The following CSNK1G1 variants were observed in gnomAD, a reference collection of about 807,000 sequenced individuals.
CSNK1G1 encodes casein kinase I isoform gamma-1.
A neutral mutation model predicts 59.6 loss-of-function variants in CSNK1G1; 22 were observed. That is an observed-to-expected ratio of 0.37 (90% CI 0.26 to 0.53). The LOEUF is 0.53. CSNK1G1 is among the 20% of genes least tolerant of loss of function. The pLI is 0.89. For synonymous variants in CSNK1G1, 179 were observed against 177.1 expected, an observed-to-expected ratio of 1.01 and a Z score of -0.08; for missense variants, 384 against 519.5, an observed-to-expected ratio of 0.74 and a Z score of 2.54.
At chr15:64,296,323 G>A (rs938747817) in intron 2 of CSNK1G1, among the ~76,000 whole-genome samples, 4 of 152,046 alleles carry the variant, frequency 2.6e-5, no homozygotes, top group South Asian at 2.1e-4. Context: ...GTTTTGCCAC[G>A]TTGCTCATGT....
rs1237607660 is a variant in CSNK1G1, at chr15:64,188,551, A to G, written c.1108-8097T>C. ...GAAAGGTGAAGCAACAGCAAGCAATAACAAAATCAAGTACATTCGTGTCCC... is the reference window on the plus strand; with the variant it reads ...GAAAGGTGAAGCAACAGCAAGCAATGACAAAATCAAGTACATTCGTGTCCC... On this transcript the variant is annotated intron_variant, in intron 10 of 11. Transcript: ENST00000303052. The surrounding 1 kb of genome is among the most constrained non-coding windows in gnomAD (Gnocchi z 4.2). The G allele has an allele frequency of 7.4e-6, 9 of 1,208,064 alleles. No individual in the cohort carries two copies. The highest frequency in any genetic ancestry group is 2.1e-5 in the Admixed American group (1 of 47,450). The allele number at this position is 1,208,064 out of a possible 1,614,324, so 74.8% of individuals were successfully genotyped here. A position where few individuals can be genotyped will look rare whatever the true frequency, so the allele number is the denominator to read the frequency against.
intron 11 of CSNK1G1, 112 bp downstream of exon 11, chr15:64,180,236 T>G (rs2081793910): frequency 2.6e-6 from 2 of 763,232 alleles, no homozygotes; most frequent in Non-Finnish European, 4.5e-6. Flanking sequence ...GGAAGAAAGC[T>G]GTGGTTACAA....
intron 1 of CSNK1G1, among the ~76,000 whole-genome samples, chr15:64,311,457 A>C (rs1895990605): frequency 6.6e-6 from 1 of 152,208 alleles, no homozygotes; most frequent in Admixed American, 6.5e-5. Context: ...AATACAAACC[A>C]CTACATTTAT....
chr15:64,255,940 G>A (rs1374989380), intron 3 of CSNK1G1, among the ~76,000 whole-genome samples: 1 of 152,042 alleles, frequency 6.6e-6, no homozygotes, highest in East Asian at 1.9e-4. Context: ...CATTAGAGTT[G>A]GACTTCAAGT....
intron 4 of CSNK1G1, among the ~76,000 whole-genome samples, chr15:64,222,438 A>C (rs1384374866): frequency 1.2e-4 from 14 of 112,426 alleles, no homozygotes; most frequent in Middle Eastern, 4.4e-3. Context: ...CAACACCACC[A>C]AAAAAAAAAA....
intron 10 of CSNK1G1, among the ~76,000 whole-genome samples, chr15:64,185,862 G>GAAA (rs375409365): frequency 8.5e-5 from 7 of 82,818 alleles, no homozygotes; most frequent in African/African-American, 2.3e-4. Flanking sequence ...ACTCCATCTC[G>GAAA]AAAAAAAAAA....
chr15:64,307,879 G>A (rs756376798), intron 1 of CSNK1G1, among the ~76,000 whole-genome samples: 5 of 151,984 alleles, frequency 3.3e-5, no homozygotes, highest in African/African-American at 1.2e-4. Flanking sequence ...GTAGAGACGG[G>A]GTTTCACCAT....
chr15:64,247,376 G>A (rs531869919), intron 4 of CSNK1G1, among the ~76,000 whole-genome samples: 1 of 152,248 alleles, frequency 6.6e-6, no homozygotes, highest in African/African-American at 2.4e-5. Flanking sequence ...ATGAAAAAAT[G>A]ATAGCTAACA....
intron 1 of CSNK1G1, among the ~76,000 whole-genome samples, chr15:64,311,202 T>C (rs1394628588): frequency 6.6e-6 from 1 of 151,758 alleles, no homozygotes; most frequent in African/African-American, 2.4e-5. Context: ...TGCACCACCA[T>C]GCCCAGCTAA....
intron 2 of CSNK1G1, among the ~76,000 whole-genome samples, chr15:64,287,470 G>C (rs1020475922): frequency 6.6e-6 from 1 of 152,026 alleles, no homozygotes; most frequent in South Asian, 2.1e-4. Context: ...GTGAACCATG[G>C]TTAGGACTTT....
intron 1 of CSNK1G1, among the ~76,000 whole-genome samples, chr15:64,346,064 A>G (rs558502631): frequency 1.5e-5 from 1 of 68,716 alleles, no homozygotes; most frequent in African/African-American, 4.2e-5. Context: ...GCTGAGTGTG[A>G]GCCACTGCAC....
intron 2 of CSNK1G1, among the ~76,000 whole-genome samples, chr15:64,289,309 T>A (rs1291300242): frequency 1.3e-5 from 2 of 152,174 alleles, no homozygotes; most frequent in African/African-American, 2.4e-5. Context: ...ACTTCTAAAA[T>A]TACCATATTA....
chr15:64,219,852 C>A (rs1237946717), intron 4 of CSNK1G1, among the ~76,000 whole-genome samples: 1 of 149,376 alleles, frequency 6.7e-6, no homozygotes, highest in Non-Finnish European at 1.5e-5. Context: ...CAGCTCAATG[C>A]AACCTCCACC....
At chr15:64,324,265 G>A (rs1896722975) in intron 1 of CSNK1G1, among the ~76,000 whole-genome samples, 1 of 152,202 alleles carries the variant, frequency 6.6e-6, no homozygotes, top group South Asian at 2.1e-4. Context: ...AGGATGCAAA[G>A]TAATGTTCCT....
rs1024099993 is a variant in CSNK1G1 at position 64,214,703 on chromosome 15, C to T, written c.445-579G>A. 1.3e-5 allele frequency among the ~76,000 whole-genome samples: 2 copies of T among 152,024 alleles called. No individual in the cohort carries two copies. The highest frequency in any genetic ancestry group is 2.4e-5 in the African/African-American group (1 of 41,384). On this transcript the variant is annotated intron_variant, in intron 5 of 11. Transcript: ENST00000303052. The surrounding 1 kb of genome is among the most constrained non-coding windows in gnomAD (Gnocchi z 4.3). ...TTTGAGACGGAGTCTTGCTCTGTCACCCAGGGTGGAGTGCAGCCTCAGCCT... is the reference window on the plus strand; with the variant it reads ...TTTGAGACGGAGTCTTGCTCTGTCATCCAGGGTGGAGTGCAGCCTCAGCCT...
chr15:64,225,329 G>T (rs1457532735), intron 4 of CSNK1G1, among the ~76,000 whole-genome samples: 1 of 152,016 alleles, frequency 6.6e-6, no homozygotes, highest in African/African-American at 2.4e-5. Flanking sequence ...CTTGGAATTG[G>T]ACTAAGAGGA....
rs371636978 is a variant in CSNK1G1, at chr15:64,351,290, G to C, written c.-225+4698C>G. Among the ~76,000 whole-genome samples the C allele has an allele frequency of 4.6e-5, 7 of 152,228 alleles. No individual in the cohort carries two copies. The East Asian group carries it at 1.2e-3, about 25-fold the overall frequency. ...TGATTGTATAGCGCCAATAAATTCAGCTGTATTTTGTTCATTATCTAATTC... is the reference window on the plus strand; with the variant it reads ...TGATTGTATAGCGCCAATAAATTCACCTGTATTTTGTTCATTATCTAATTC... On this transcript the variant is annotated intron_variant, in intron 1 of 11. Transcript: ENST00000303052.
intron 2 of CSNK1G1, among the ~76,000 whole-genome samples, chr15:64,262,980 G>GA (rs1294317758): frequency 6.7e-6 from 1 of 148,478 alleles, no homozygotes; most frequent in Non-Finnish European, 1.5e-5. Context: ...TTGGGAGGCT[G>GA]AGACAGGAGA....
At position 64,285,862 on chromosome 15, in the gene CSNK1G1, A is replaced by G. The variant is rs556361606; in HGVS notation, c.181+14457T>C. On this transcript the variant is annotated intron_variant, in intron 2 of 11. Transcript: ENST00000303052. ...TTAATTTATCTTCTCCAAGAAGGGG[A>G]AAAAAAAAAAACGATGACTTGTAAT... is the stretch of plus-strand genomic sequence containing the variant. Among the ~76,000 whole-genome samples, 69 of 142,858 alleles carry G rather than the reference A, an allele frequency of 4.8e-4. No individual in the cohort carries two copies. In the East Asian group the frequency reaches 6.7e-3, roughly 14 times the overall value. 93.7% of individuals were successfully genotyped at this position (142,858 alleles called of 152,430 possible). A position where few individuals can be genotyped will look rare whatever the true frequency, so the allele number is the denominator to read the frequency against.
Sources: gnomAD v4.1 joint callset for allele counts (sites outside exome capture counted in the v4.1 genomes callset) on GRCh38, gnomAD v4.1.1 for gene constraint, Gnocchi (gnomAD v3.1) non-coding constraint, MANE v1.5 for transcripts, NCBI Gene and HGNC (gene_info 2026-07-23, HGNC 2026-07-21) for gene names.